The following NAP1L1 variants were observed in gnomAD, a reference collection of about 807,000 sequenced individuals.
The protein encoded by NAP1L1 is nucleosome assembly protein 1 like 1.
NAP1L1 carries 9 observed loss-of-function variants against 58.9 expected under a neutral mutation model. The ratio of observed to expected loss-of-function variants is 0.15; its 90% CI spans 0.09 to 0.27. NAP1L1 has a LOEUF of 0.27. Ranked by LOEUF, NAP1L1 falls within the 10% of genes least tolerant of loss-of-function variation. The probability of loss-of-function intolerance (pLI) is 1.00; values close to 1 mark genes in which losing one functional copy is unlikely to be tolerated. For synonymous variants in NAP1L1, 130 were observed against 138.3 expected, an observed-to-expected ratio of 0.94 and a Z score of 0.42; for missense variants, 302 against 458.8, an observed-to-expected ratio of 0.66 and a Z score of 3.12.
intron 6 of NAP1L1, chr12:76,056,719 C>T (rs1018979539): frequency 9.1e-6 from 4 of 441,352 alleles, no homozygotes; most frequent in African/African-American, 8.2e-5. Context: ...AATCTACAAA[C>T]TAAAAACTGT....
rs1278094423 is a variant in NAP1L1 at position 76,039,077 on chromosome 12, ATTTGC to A, written c.*9347_*9351del. 3.3e-5 allele frequency: 5 copies of A among 152,170 alleles called. No individual in the cohort carries two copies. Among genetic ancestry groups the A allele is most frequent in the Non-Finnish European group, 1.5e-5 (1 of 68,026 alleles). The allele number at this position is 152,170 out of a possible 1,614,324, so 9.4% of individuals were successfully genotyped here. ...GTTCACTTATTTCTAAAATGTAGTT[ATTTGC>A]TTTATGTTCCAGGATATCCTTGATC... On this transcript the variant is annotated 3_prime_UTR_variant, in exon 15 of 15. Coordinates refer to ENST00000618691, the MANE Select transcript of NAP1L1 (RefSeq NM_004537.7).
chr12:76,058,202 TATATA>T, intron 6 of NAP1L1: 1 of 120,478 alleles, frequency 8.3e-6, no homozygotes, highest in Non-Finnish European at 1.8e-5. Context: ...TACATATATA[TATATA>T]TATATATATA....
intron 4 of NAP1L1, among the ~76,000 whole-genome samples, chr12:76,063,881 TAA>T (rs10693123): frequency 3.6e-4 from 50 of 137,498 alleles, no homozygotes; most frequent in African/African-American, 1.3e-3. Flanking sequence ...GTTAAAAGTT[TAA>T]AAAAAAAAAA....
Position 76,067,388 on chromosome 12 carries a change from T to C in NAP1L1, c.189A>G (p.Pro63=), listed in dbSNP as rs139516263. 1.4e-4 allele frequency: 230 copies of C among 1,609,438 alleles called. 1 individual carries two copies. In the African/African-American group the frequency reaches 2.6e-3, roughly 18 times the overall value. ...AGCTGTACCTTTCAATGTATCCTGTTGGTGTTTCTACCAGACCATCAAGTC... is the reference window on the plus strand; with the variant it reads ...AGCTGTACCTTTCAATGTATCCTGTCGGTGTTTCTACCAGACCATCAAGTC... ...QERLDGLVET[P]TGYIESLPRV... is the part of the protein sequence containing the mutation. The change falls in exon 4 of 15, where the codon CCA becomes CCG. Residue 63 remains proline (P), a synonymous_variant. Transcript: ENST00000618691.
chr12:76,083,466 T>A (rs1410872521), intron 1 of NAP1L1, among the ~76,000 whole-genome samples: 2 of 139,800 alleles, frequency 1.4e-5, no homozygotes, highest in African/African-American at 5.3e-5. Flanking sequence ...TGATGAGCTT[T>A]TTTTTCCAAA....
intron 2 of NAP1L1, among the ~76,000 whole-genome samples, chr12:76,070,436 AAACTTT>A (rs1261673473): frequency 6.6e-6 from 1 of 152,160 alleles, no homozygotes; most frequent in East Asian, 1.9e-4. Flanking sequence ...GATTTAGTAT[AAACTTT>A]AAGTGTTTGA....
intron 4 of NAP1L1, among the ~76,000 whole-genome samples, chr12:76,062,665 A>C (rs747380699): frequency 3.6e-4 from 55 of 152,238 alleles, no homozygotes; most frequent in Non-Finnish European, 8.8e-5. Context: ...CTGAAGATAA[A>C]GTCCATGATG....
chr12:76,073,321 CTATTT>C (rs1950045105), intron 2 of NAP1L1, among the ~76,000 whole-genome samples: 1 of 152,098 alleles, frequency 6.6e-6, no homozygotes, highest in Admixed American at 6.6e-5. Flanking sequence ...CCCAAGTGCT[CTATTT>C]TAACACGGGC....
At chr12:76,070,348 T>A (rs1006519678) in intron 2 of NAP1L1, among the ~76,000 whole-genome samples, 1 of 152,130 alleles carries the variant, frequency 6.6e-6, no homozygotes, top group Non-Finnish European at 1.5e-5. Flanking sequence ...CCTCAGGTGA[T>A]CCTCCCACGT....
chr12:76,063,728 G>A (rs141252563), intron 4 of NAP1L1, among the ~76,000 whole-genome samples: 97 of 152,188 alleles, frequency 6.4e-4, no homozygotes, highest in African/African-American at 2.3e-3. Flanking sequence ...GCCGAAGGAT[G>A]AGGCTGCAGT....
chr12:76,048,632 AAAAT>A (rs1948684391), intron 14 of NAP1L1, among the ~76,000 whole-genome samples, 168 bp from the exon 15 acceptor site: 1 of 152,142 alleles, frequency 6.6e-6, no homozygotes, highest in African/African-American at 2.4e-5. Context: ...CTGAAATGCT[AAAAT>A]CAAGCTCAAA....
chr12:76,057,817 A>T (rs1287937407), intron 6 of NAP1L1: 1 of 1,547,470 alleles, frequency 6.5e-7, no homozygotes, highest in Non-Finnish European at 8.7e-7. Context: ...AGAGGAGAAG[A>T]AAAAACAGAA....
chr12:76,066,159 T>C (rs562993187), intron 4 of NAP1L1, among the ~76,000 whole-genome samples: 1 of 143,114 alleles, frequency 7.0e-6, no homozygotes, highest in Non-Finnish European at 1.6e-5. Context: ...CAAACAAACC[T>C]GGCTCAAAAA....
Position 76,057,784 on chromosome 12 carries a change from G to C in NAP1L1, c.430-1623C>G, listed in dbSNP as rs560963689. On this transcript the variant is annotated intron_variant, in intron 6 of 14. Coordinates refer to ENST00000618691, the MANE Select transcript of NAP1L1 (RefSeq NM_004537.7). Reference sequence around the variant, plus strand: ...CAAACAAGAAGCTGGAATCTGTCAAGGTCAAGGAACAGCAGGGGAAGAAGA... The same window carrying C: ...CAAACAAGAAGCTGGAATCTGTCAACGTCAAGGAACAGCAGGGGAAGAAGA... 6 of 1,551,432 alleles carry C rather than the reference G, an allele frequency of 3.9e-6. No homozygotes were observed. In the East Asian group the frequency reaches 1.2e-4, roughly 32 times the overall value.
chr12:76,072,261 A>G (rs1376525573), intron 2 of NAP1L1, among the ~76,000 whole-genome samples: 1 of 151,170 alleles, frequency 6.6e-6, no homozygotes, highest in Admixed American at 6.6e-5. Flanking sequence ...ATCCAGAGAA[A>G]AGACATTATC....
In NAP1L1 at chr12:76,056,072, A is replaced by G. The variant is rs769016044; in HGVS notation, c.519T>C (p.Thr173=). The change falls in exon 7 of 15, where the codon ACT becomes ACC. Residue 173 remains threonine (T), a synonymous_variant. Coordinates refer to ENST00000618691, the MANE Select transcript of NAP1L1 (RefSeq NM_004537.7). ...DPKGIPEFWL[T]VFKNVDLLSD... is the part of the protein sequence containing the mutation. ...TGAGCAAGTCAACATTCTTAAAAACAGTTAACCAAAATTCAGGAATTCCTT... is the reference window on the plus strand; with the variant it reads ...TGAGCAAGTCAACATTCTTAAAAACGGTTAACCAAAATTCAGGAATTCCTT... 5 of 1,612,482 alleles carry G rather than the reference A, an allele frequency of 3.1e-6. No individual in the cohort carries two copies. Among genetic ancestry groups the G allele is most frequent in the Admixed American group, 1.7e-5 (1 of 59,948 alleles).
intron 8 of NAP1L1, among the ~76,000 whole-genome samples, chr12:76,054,797 T>A (rs1949003072): frequency 6.6e-6 from 1 of 152,224 alleles, no homozygotes; most frequent in African/African-American, 2.4e-5. Context: ...GCATTATTTT[T>A]ATCCACTTAT....
At chr12:76,048,907 C>T in intron 14 of NAP1L1, 1 of 454,690 alleles carries the variant, frequency 2.2e-6, no homozygotes. Context: ...CCTTTATTTT[C>T]TAATGCTTAA....
intron 1 of NAP1L1, among the ~76,000 whole-genome samples, chr12:76,083,470 T>A (rs1208369210): frequency 7.7e-6 from 1 of 130,470 alleles, no homozygotes; most frequent in African/African-American, 2.9e-5. Flanking sequence ...GAGCTTTTTT[T>A]TCCAAAAAAA....
Sources: gnomAD v4.1 joint callset for allele counts (sites outside exome capture counted in the v4.1 genomes callset) on GRCh38, gnomAD v4.1.1 for gene constraint, MANE v1.5 for transcripts, NCBI Gene and HGNC (gene_info 2026-07-23, HGNC 2026-07-21) for gene names.